GPR180: variants seen among roughly 807,000 people sequenced by gnomAD.
GPR180 encodes the protein integral membrane protein GPR180.
In GPR180, 53 loss-of-function variants were observed where a neutral mutation model predicts 52.6. The observed-to-expected ratio is 1.01, with a 90% CI of 0.81 to 1.27. GPR180 has a LOEUF of 1.27. Ranked by LOEUF, GPR180 falls within the 50% of genes most tolerant of loss-of-function variation. The pLI is 0.00. For synonymous variants in GPR180, 200 were observed against 193.1 expected (o/e 1.04, Z -0.30); for missense variants, 533 against 527.0 (o/e 1.01, Z -0.11).
chr13:94,619,040 C>G, intron 3 of GPR180, 110 bp from the exon 4 acceptor site: 1 of 862,250 alleles, frequency 1.2e-6, no homozygotes, highest in Non-Finnish European at 1.8e-6. Flanking sequence ...TGCTATGACT[C>G]CAGTTAAAAA....
chr13:94,602,149 G>C, intron 1 of GPR180, 77 bp downstream of exon 1: 3 of 1,222,384 alleles, frequency 2.5e-6, no homozygotes, highest in South Asian at 5.9e-5. Context: ...CGCTCCTCCC[G>C]GCCCCTCCCT....
chr13:94,617,159 T>G (rs1451490836), intron 3 of GPR180, among the ~76,000 whole-genome samples: 3 of 152,118 alleles, frequency 2.0e-5, no homozygotes, highest in Non-Finnish European at 4.4e-5. Context: ...AGGATTTTCT[T>G]TTCATGGTAG....
intron 2 of GPR180, among the ~76,000 whole-genome samples, 178 bp from the exon 3 acceptor site, chr13:94,612,012 C>T (rs1889712542): frequency 6.6e-6 from 1 of 151,990 alleles, no homozygotes; most frequent in Non-Finnish European, 1.5e-5. Context: ...CAGATAAATT[C>T]TGATTTATTC....
chr13:94,604,741 ATT>A (rs112593382), intron 1 of GPR180, among the ~76,000 whole-genome samples: 5 of 146,476 alleles, frequency 3.4e-5, no homozygotes, highest in African/African-American at 5.0e-5. Flanking sequence ...AGCCCAGCTA[ATT>A]TTTTTTTTTT....
Position 94,619,240 on chromosome 13 carries a change from G to A in GPR180, c.596G>A (p.Gly199Asp). 6.2e-7 allele frequency: 1 copy of A among 1,614,100 alleles called. No homozygotes were observed. Among genetic ancestry groups the A allele is most frequent in the Admixed American group, 1.7e-5 (1 of 60,026 alleles). The change falls in exon 4 of 9, where the codon GGC (glycine) becomes GAC (aspartate). Residue 199 changes from glycine to aspartate, a missense_variant. Transcript: ENST00000376958. ...TCATTGTGGCAGGCTATTAAGAAAGGCGGACCCATGCACATGATTTTAAAG... is the reference window on the plus strand; with the variant it reads ...TCATTGTGGCAGGCTATTAAGAAAGACGGACCCATGCACATGATTTTAAAG... The part of the protein sequence containing the change: ...AQSLWQAIKK[G>D]GPMHMILKVL...
intron 2 of GPR180, among the ~76,000 whole-genome samples, chr13:94,608,002 A>C (rs536031051): frequency 6.6e-6 from 1 of 152,330 alleles, no homozygotes; most frequent in East Asian, 1.9e-4. Context: ...CTTACTAGGC[A>C]GTTTAAAGCT....
intron 7 of GPR180, among the ~76,000 whole-genome samples, chr13:94,625,535 C>G (rs971194564): frequency 2.6e-5 from 4 of 152,306 alleles, no homozygotes; most frequent in African/African-American, 7.2e-5. Context: ...TCCCCCTCCT[C>G]TGTTCTAACC....
At chr13:94,622,047 C>A (rs946323806) in intron 6 of GPR180, among the ~76,000 whole-genome samples, 1 of 152,088 alleles carries the variant, frequency 6.6e-6, no homozygotes, top group East Asian at 1.9e-4. Context: ...GTGCTTTATT[C>A]ATCTTTCTAT....
At chr13:94,619,392 C>CA (rs774181003) in intron 4 of GPR180, 62 bp downstream of exon 4, 518 of 1,598,398 alleles carry the variant, frequency 3.2e-4, no homozygotes, top group Non-Finnish European at 4.3e-4. Context: ...ATTAGTCCAC[C>CA]AAAATTATGC....
chr13:94,601,934 G>A lies in GPR180; in HGVS notation c.7G>A (p.Gly3Arg). 1 of 1,491,074 alleles carries A rather than the reference G, an allele frequency of 6.7e-7. No individual in the cohort carries two copies. Among genetic ancestry groups the A allele is most frequent in the Non-Finnish European group, 8.9e-7 (1 of 1,125,744 alleles). The allele number at this position is 1,491,074 out of a possible 1,614,324, so 92.4% of individuals were successfully genotyped here. ...TGCAGACCTGGAGACGGGCATGGGGGGGCTGCGGCTGCTGGCTGTGGCCCT... is the reference window on the plus strand; with the variant it reads ...TGCAGACCTGGAGACGGGCATGGGGAGGCTGCGGCTGCTGGCTGTGGCCCT... MGGLRLLAVALTC... is the reference protein window; with the variant it reads MGRLRLLAVALTC... The change falls in exon 1 of 9, where the codon GGG (glycine) becomes AGG (arginine). Residue 3 changes from glycine (G) to arginine (R), a missense_variant. By Grantham distance (125) the Gly-to-Arg change is moderately radical (BLOSUM62 -2). Transcript: ENST00000376958.
intron 2 of GPR180, among the ~76,000 whole-genome samples, chr13:94,608,628 G>T (rs565187308): frequency 6.6e-6 from 1 of 152,108 alleles, no homozygotes; most frequent in East Asian, 1.9e-4. Context: ...TTATTTAGGA[G>T]CTTAGGTACA....
chr13:94,624,901 G>A (rs528666641), intron 7 of GPR180, among the ~76,000 whole-genome samples: 1 of 151,568 alleles, frequency 6.6e-6, no homozygotes, highest in South Asian at 2.1e-4. Context: ...GTGCGATTTC[G>A]GCTCACTGCA....
At chr13:94,607,088 C>G (rs888669712) in intron 2 of GPR180, among the ~76,000 whole-genome samples, 2 of 152,196 alleles carry the variant, frequency 1.3e-5, no homozygotes, top group Admixed American at 6.5e-5. Flanking sequence ...GAATTGGCAC[C>G]ACCATCCATC....
chr13:94,632,552 A>G lies in GPR180; in HGVS notation c.*5381A>G, dbSNP rs917728846. ...CTGTTACTGCACGTTGTTGGTTTTC[A>G]GTCTTGCTAATACAGACAAGGCTGA... is the stretch of plus-strand genomic sequence containing the variant. On this transcript the variant is annotated 3_prime_UTR_variant, in exon 9 of 9. Coordinates refer to ENST00000376958, the MANE Select transcript of GPR180 (RefSeq NM_180989.6). 2.0e-5 allele frequency: 3 copies of G among 152,194 alleles called. No homozygotes were observed. Among genetic ancestry groups the G allele is most frequent in the Admixed American group, 6.5e-5 (1 of 15,284 alleles). The allele number at this position is 152,194 out of a possible 1,614,324, so 9.4% of individuals were successfully genotyped here. A position where few individuals can be genotyped will look rare whatever the true frequency, so the allele number is the denominator to read the frequency against.
rs991313660 is a variant in GPR180 at position 94,631,007 on chromosome 13, C to T, written c.*3836C>T. On this transcript the variant is annotated 3_prime_UTR_variant, in exon 9 of 9. Coordinates refer to ENST00000376958, the MANE Select transcript of GPR180 (RefSeq NM_180989.6). ...AGGCACAAGGCACAAGGCACTGTTG[C>T]AGCTTATCCACATTATTGCTTATCT... The T allele has an allele frequency of 3.9e-5, 6 of 152,238 alleles. No individual in the cohort carries two copies. Among genetic ancestry groups the T allele is most frequent in the African/African-American group, 1.4e-4 (6 of 41,458 alleles). 9.4% of individuals were successfully genotyped at this position (152,238 alleles called of 1,614,324 possible). A position where few individuals can be genotyped will look rare whatever the true frequency, so the allele number is the denominator to read the frequency against.
intron 6 of GPR180, among the ~76,000 whole-genome samples, chr13:94,622,580 G>A (rs1889865534): frequency 1.3e-5 from 2 of 152,086 alleles, no homozygotes; most frequent in African/African-American, 4.8e-5. Context: ...ATGAACCATG[G>A]GCTGTGGTAG....
At chr13:94,622,963 G>A (rs181599122) in intron 6 of GPR180, 146 bp from the exon 7 acceptor site, 23 of 605,138 alleles carry the variant, frequency 3.8e-5, no homozygotes, top group Middle Eastern at 4.4e-4. Context: ...GTGATGAAAA[G>A]ACTGTACTTT....
At position 94,623,299 on chromosome 13, in the gene GPR180, A is replaced by G. The variant is rs1168342651; in HGVS notation, c.1085A>G (p.Lys362Arg). Reference protein sequence around the residue: ...LKREFYITFAKGCILWFLCHP... With the variant: ...LKREFYITFARGCILWFLCHP... ...AGGGAGTTCTACATCACATTTGCCA[A>G]AGTATGGGTTTGGAAAGAAAATCGT... The change falls in exon 7 of 9, where the codon AAA (lysine) becomes AGA (arginine). Residue 362 changes from lysine (K) to arginine (R), a missense_variant and splice_region_variant. Physicochemically the swap from Lys to Arg is conservative, Grantham distance 26. Coordinates refer to ENST00000376958, the MANE Select transcript of GPR180 (RefSeq NM_180989.6). The G allele has an allele frequency of 6.2e-7, 1 of 1,608,784 alleles. No individual in the cohort carries two copies. Among genetic ancestry groups the G allele is most frequent in the South Asian group, 1.1e-5 (1 of 90,702 alleles).
intron 3 of GPR180, among the ~76,000 whole-genome samples, chr13:94,616,026 T>C (rs896688562): frequency 2.0e-5 from 3 of 152,200 alleles, no homozygotes; most frequent in African/African-American, 7.2e-5. Flanking sequence ...TTAGCATCTC[T>C]CTACCCTGCT....
Sources: allele counts gnomAD v4.1 joint callset (sites outside exome capture counted in the v4.1 genomes callset), GRCh38; gene constraint gnomAD v4.1.1; transcripts MANE v1.5; gene names NCBI Gene and HGNC (gene_info 2026-07-23, HGNC 2026-07-21).